DMD: variants seen among roughly 807,000 people sequenced by gnomAD.
DMD encodes the protein dystrophin, also known as mutant dystrophin.
A neutral mutation model predicts 330.1 loss-of-function variants in DMD; 63 were observed. That is an observed-to-expected ratio of 0.19 (90% CI 0.16 to 0.24). The LOEUF is 0.24. DMD is among the 10% of genes least tolerant of loss of function. The probability of loss-of-function intolerance (pLI) is 1.00; values close to 1 mark genes in which losing one functional copy is unlikely to be tolerated. For synonymous variants in DMD, 1,223 were observed against 959.8 expected, an observed-to-expected ratio of 1.27 and a Z score of -5.07; for missense variants, 3,344 against 2,684.1, an observed-to-expected ratio of 1.25 and a Z score of -5.43.
At chrX:32,720,987 G>C (rs1337963941) in intron 7 of DMD, among the ~76,000 whole-genome samples, 1 of 110,374 alleles carries the variant, frequency 9.1e-6, no homozygotes, top group African/African-American at 3.3e-5. Flanking sequence ...TCTGTGTCTT[G>C]CTTATTTCAC....
intron 12 of DMD, among the ~76,000 whole-genome samples, chrX:32,608,635 T>C (rs2056926582): frequency 9.0e-6 from 1 of 110,541 alleles, no homozygotes; most frequent in African/African-American, 3.3e-5. Context: ...TTCATGCCCT[T>C]GTCAGAAAGT....
chrX:32,983,314 T>C (rs2092753541), intron 2 of DMD, among the ~76,000 whole-genome samples: 2 of 111,560 alleles, frequency 1.8e-5, no homozygotes, highest in African/African-American at 6.5e-5. Flanking sequence ...AAAAGCATCT[T>C]GCTTTGACTA....
intron 61 of DMD, among the ~76,000 whole-genome samples, chrX:31,340,996 T>G (rs1488956818): frequency 1.8e-5 from 2 of 112,136 alleles, no homozygotes; most frequent in African/African-American, 3.2e-5. Context: ...CACTGGACTT[T>G]CAGATTAGAT....
At position 32,248,560 on chromosome X, in the gene DMD, T is replaced by C. The variant is rs754612974; in HGVS notation, c.6291-31497A>G. Among the ~76,000 whole-genome samples the C allele has an allele frequency of 2.8e-5, 3 of 108,427 alleles. No homozygotes were observed. In the South Asian group the frequency reaches 1.2e-3, roughly 44 times the overall value. 94.2% of individuals were successfully genotyped at this position (108,427 alleles called of 115,157 possible). A position where few individuals can be genotyped will look rare whatever the true frequency, so the allele number is the denominator to read the frequency against. ...AAGCACTCAGAAACCCACTTTATATTCTGTTTCTATTAGGATACTAATTAT... is the reference window on the plus strand; with the variant it reads ...AAGCACTCAGAAACCCACTTTATATCCTGTTTCTATTAGGATACTAATTAT... On this transcript the variant is annotated intron_variant, in intron 43 of 78. Transcript: ENST00000357033.
At chrX:31,831,720 TC>T (rs2093038769) in intron 49 of DMD, among the ~76,000 whole-genome samples, 1 of 110,925 alleles carries the variant, frequency 9.0e-6, no homozygotes, top group Admixed American at 9.6e-5. Flanking sequence ...TGCCTCAGCC[TC>T]CCGAGTAGCT....
chrX:31,733,718 T>C (rs1056918959), intron 51 of DMD, among the ~76,000 whole-genome samples: 2 of 111,805 alleles, frequency 1.8e-5, no homozygotes, highest in African/African-American at 6.5e-5. Context: ...GATGCTGTAA[T>C]CTATCTAGCT....
intron 30 of DMD, among the ~76,000 whole-genome samples, chrX:32,399,149 G>C (rs2098067793): frequency 1.8e-5 from 2 of 111,864 alleles, no homozygotes; most frequent in Non-Finnish European, 3.8e-5. Flanking sequence ...AAAACTTTGG[G>C]AGAAACCTCC....
chrX:33,096,163 A>T (rs2095160481), intron 1 of DMD, among the ~76,000 whole-genome samples: 1 of 108,143 alleles, frequency 9.2e-6, no homozygotes, highest in African/African-American at 3.4e-5. Flanking sequence ...TTTAGTAGAG[A>T]CGGGGTTTCA....
At chrX:31,389,736 A>C (rs962220554) in intron 60 of DMD, among the ~76,000 whole-genome samples, 3 of 112,320 alleles carry the variant, frequency 2.7e-5, no homozygotes, top group Non-Finnish European at 5.6e-5. Flanking sequence ...ATTCAAGAAA[A>C]TTGACCATAG....
At chrX:31,333,407 C>CTTTTTT (rs145925904) in intron 61 of DMD, among the ~76,000 whole-genome samples, 2 of 39,338 alleles carry the variant, frequency 5.1e-5, no homozygotes, top group Non-Finnish European at 8.8e-5. Flanking sequence ...CTGCCCCCGC[C>CTTTTTT]TTTTTTTTTT....
chrX:31,152,151 C>A (rs1175947154), intron 74 of DMD, among the ~76,000 whole-genome samples: 2 of 109,429 alleles, frequency 1.8e-5, no homozygotes, highest in Non-Finnish European at 3.8e-5. Flanking sequence ...GTTATTTTAG[C>A]GAGTGGTACC....
intron 51 of DMD, among the ~76,000 whole-genome samples, chrX:31,770,414 C>T (rs763643929): frequency 1.8e-5 from 2 of 110,420 alleles, no homozygotes; most frequent in South Asian, 3.9e-4. Context: ...TTAACTTCAG[C>T]CATATGGAAT....
chrX:32,222,717 T>A (rs940920869), intron 43 of DMD, among the ~76,000 whole-genome samples: 1 of 111,779 alleles, frequency 8.9e-6, no homozygotes, highest in Admixed American at 9.5e-5. Context: ...ATCTGAGCCA[T>A]GCTAGTGTCT....
intron 51 of DMD, among the ~76,000 whole-genome samples, chrX:31,733,079 A>T (rs1176972222): frequency 1.8e-5 from 2 of 111,180 alleles, no homozygotes; most frequent in Non-Finnish European, 3.8e-5. Context: ...AAAACTGCTT[A>T]CCCCTTGGAG....
At position 32,809,542 on chromosome X, in the gene DMD, G is replaced by A. The variant is rs1201922364; in HGVS notation, c.600C>T (p.Phe200=). The A allele has an allele frequency of 1.7e-6, 2 of 1,211,120 alleles. No homozygotes were observed. The highest frequency in any genetic ancestry group is 1.1e-6 in the Non-Finnish European group (1 of 895,263). The change falls in exon 7 of 79, where the codon TTC becomes TTT. Residue 200 remains phenylalanine, a synonymous_variant. Coordinates refer to ENST00000357033, the MANE Select transcript of DMD (RefSeq NM_004006.3). The part of the protein sequence containing the change: ...QSATQRLEHA[F]NIARYQLGIE... ...TGCCTAATTGATATCTGGCGATGTT[G>A]AATGCATGTTCCAGTCGTTGTGTGG...
intron 7 of DMD, among the ~76,000 whole-genome samples, 191 bp from the exon 8 acceptor site, chrX:32,699,484 G>A (rs961468187): frequency 2.7e-5 from 3 of 111,979 alleles, no homozygotes; most frequent in Non-Finnish European, 5.7e-5. Flanking sequence ...GCAGACCAAT[G>A]AGATGAGCAG....
At chrX:32,989,929 A>C (rs1321723682) in intron 2 of DMD, among the ~76,000 whole-genome samples, 1 of 111,796 alleles carries the variant, frequency 8.9e-6, no homozygotes, top group Admixed American at 9.6e-5. Context: ...ATAGTTGTCT[A>C]ATTTCTCACT....
At chrX:31,672,851 C>A (rs1418613900) in intron 53 of DMD, among the ~76,000 whole-genome samples, 1 of 111,953 alleles carries the variant, frequency 8.9e-6, no homozygotes, top group Non-Finnish European at 1.9e-5. Context: ...ACCTCATTCT[C>A]CAGAGCTTCA....
chrX:32,697,558 A>C lies in DMD; in HGVS notation c.960+312T>G, dbSNP rs6631629. On this transcript the variant is annotated intron_variant, in intron 9 of 78. Coordinates refer to ENST00000357033, the MANE Select transcript of DMD (RefSeq NM_004006.3). ...CACTTTTCGAAGTTACATATATAAAACTTTTCATGAGCCTCATGTTTTTTA... is the reference window on the plus strand; with the variant it reads ...CACTTTTCGAAGTTACATATATAAACCTTTTCATGAGCCTCATGTTTTTTA... 0.14 allele frequency among the ~76,000 whole-genome samples: 15,686 copies of C among 111,349 alleles called. 2,618 individuals are homozygous for C. Among genetic ancestry groups the C allele is most frequent in the African/African-American group, 0.47 (14,413 of 30,362 alleles).
Sources: allele counts gnomAD v4.1 joint callset (sites outside exome capture counted in the v4.1 genomes callset), GRCh38; gene constraint gnomAD v4.1.1; transcripts MANE v1.5; gene names NCBI Gene and HGNC (gene_info 2026-07-23, HGNC 2026-07-21).